The following NBPF11 variants were observed in gnomAD, a reference collection of about 807,000 sequenced individuals.
The protein encoded by NBPF11 is NBPF member 11, also known as NBPF family member NBPF11.
In NBPF11, 72 loss-of-function variants were observed where a neutral mutation model predicts 93.9. That is an observed-to-expected ratio of 0.77 (90% CI 0.63 to 0.93). The LOEUF is 0.93. NBPF11 is among the 40% of genes least tolerant of loss of function. The pLI, the probability that NBPF11 is intolerant of heterozygous loss-of-function variation, is 0.00. For missense variants in NBPF11, 705 were observed against 802.2 expected (o/e 0.88, Z 1.46); for synonymous variants, 224 against 304.9 (o/e 0.73, Z 2.76).
At chr1:148,138,398 C>A (rs1209996382) in intron 2 of NBPF11, among the ~76,000 whole-genome samples, 3 of 151,678 alleles carry the variant, frequency 2.0e-5, no homozygotes, top group Non-Finnish European at 4.4e-5. Flanking sequence ...GGGTGTCGGG[C>A]TGGGGGACAG....
At chr1:148,142,133 G>A (rs2404366) in intron 2 of NBPF11, among the ~76,000 whole-genome samples, 3 of 150,984 alleles carry the variant, frequency 2.0e-5, no homozygotes, top group Non-Finnish European at 4.4e-5. Context: ...GAGAGAGAAA[G>A]AGAGTGGGAG....
intron 4 of NBPF11, among the ~76,000 whole-genome samples, chr1:148,130,994 A>G (rs1459021889): frequency 1.9e-4 from 29 of 151,806 alleles, no homozygotes; most frequent in Admixed American, 1.9e-3. Context: ...TATACCATGT[A>G]TGTTTGTACT....
At chr1:148,138,898 C>T (rs1220957698) in intron 2 of NBPF11, among the ~76,000 whole-genome samples, 1 of 151,588 alleles carries the variant, frequency 6.6e-6, no homozygotes, top group Non-Finnish European at 1.5e-5. Context: ...AGAGACCAAC[C>T]TGGCCAACAT....
In NBPF11 at chr1:148,147,530, A is replaced by G. The variant is rs1204643861; in HGVS notation, c.-548-3844T>C. Among the ~76,000 whole-genome samples the G allele has an allele frequency of 5.3e-5, 8 of 152,106 alleles. No homozygotes were observed. In the East Asian group the frequency reaches 1.2e-3, roughly 22 times the overall value. ...CCGGTGTTTGAGCAGCGCCCGGGCC[A>G]GTGCTGCTTTGGACGAGGAGACCCG... is the stretch of plus-strand genomic sequence containing the variant. On this transcript the variant is annotated intron_variant, in intron 1 of 23. Coordinates refer to ENST00000682118, the MANE Select transcript of NBPF11 (RefSeq NM_001385469.3).
chr1:148,145,978 A>G (rs1553276741), intron 1 of NBPF11, among the ~76,000 whole-genome samples: 4 of 152,128 alleles, frequency 2.6e-5, no homozygotes, highest in Non-Finnish European at 4.4e-5. Flanking sequence ...TGCAATCCAT[A>G]TATATCCTAG....
intron 3 of NBPF11, among the ~76,000 whole-genome samples, chr1:148,136,114 C>T (rs1381606555): frequency 1.3e-5 from 2 of 151,922 alleles, no homozygotes; most frequent in East Asian, 3.9e-4. Flanking sequence ...CACCTTCATA[C>T]ATTAATGGTT....
chr1:148,127,888 C>T (rs1156383953), intron 4 of NBPF11, among the ~76,000 whole-genome samples: 3 of 151,838 alleles, frequency 2.0e-5, no homozygotes, highest in African/African-American at 7.3e-5. Flanking sequence ...GATCTCCTGA[C>T]CTCGTGATCT....
At chr1:148,136,696 G>C (rs1266353751) in intron 3 of NBPF11, among the ~76,000 whole-genome samples, 3 of 151,844 alleles carry the variant, frequency 2.0e-5, no homozygotes, top group East Asian at 1.9e-4. Flanking sequence ...TCCCCTCCAT[G>C]TTCCCTCATT....
chr1:148,146,242 C>A (rs1673006158), intron 1 of NBPF11, among the ~76,000 whole-genome samples: 2 of 151,650 alleles, frequency 1.3e-5, no homozygotes, highest in Non-Finnish European at 2.9e-5. Context: ...GGGCCCTGGC[C>A]TCCTAACGGG....
chr1:148,135,748 T>TCCC lies in NBPF11; in HGVS notation c.-113_-112insGGG, dbSNP rs1671171323. Reference sequence around the variant, plus strand: ...TAACTTTGGATTCCCAACCAGTAAATCTTAGCAAGATCTGAGTTTCTCCAG... The same window carrying TCCC: ...TAACTTTGGATTCCCAACCAGTAAATCCCCTTAGCAAGATCTGAGTTTCTCCAG... On this transcript the variant is annotated 5_prime_UTR_variant, in exon 4 of 24. Coordinates refer to ENST00000682118, the MANE Select transcript of NBPF11 (RefSeq NM_001385469.3). 1 of 714,816 alleles carries TCCC rather than the reference T, an allele frequency of 1.4e-6. No individual in the cohort carries two copies. The allele number at this position is 714,816 out of a possible 1,614,324, so 44.3% of individuals were successfully genotyped here. A position where few individuals can be genotyped will look rare whatever the true frequency, so the allele number is the denominator to read the frequency against.
chr1:148,113,403 T>A (rs1665774948), intron 15 of NBPF11, among the ~76,000 whole-genome samples: 1 of 151,234 alleles, frequency 6.6e-6, no homozygotes, highest in Admixed American at 6.6e-5. Flanking sequence ...AGGGATCAAT[T>A]CAACAAGAAG....
chr1:148,120,877 T>A (rs1199060994), intron 9 of NBPF11, among the ~76,000 whole-genome samples, 167 bp from the exon 10 acceptor site: 1 of 151,996 alleles, frequency 6.6e-6, no homozygotes, highest in East Asian at 1.9e-4. Context: ...TAAGTCAACT[T>A]GTCTTAGCTA....
intron 9 of NBPF11, 145 bp downstream of exon 9, chr1:148,121,910 G>C (rs1667960789): frequency 1.3e-6 from 1 of 747,314 alleles, no homozygotes; most frequent in Admixed American, 1.9e-5. Context: ...CCAAAGTGCT[G>C]TGATTATATG....
At chr1:148,105,779 G>C (rs879575001) in intron 21 of NBPF11, among the ~76,000 whole-genome samples, 1 of 139,552 alleles carries the variant, frequency 7.2e-6, no homozygotes, top group East Asian at 2.1e-4. Flanking sequence ...CACACACTGA[G>C]AGAGAGAGAG....
At chr1:148,138,575 G>A (rs1671711782) in intron 2 of NBPF11, among the ~76,000 whole-genome samples, 1 of 151,634 alleles carries the variant, frequency 6.6e-6, no homozygotes, top group East Asian at 1.9e-4. Context: ...CAAGCATGCT[G>A]CCTTCAAGCA....
chr1:148,109,036 C>G (rs1327470151), intron 17 of NBPF11, among the ~76,000 whole-genome samples: 1 of 151,412 alleles, frequency 6.6e-6, no homozygotes, highest in Non-Finnish European at 1.5e-5. Context: ...TCAAGTTTCC[C>G]TGCAGTCACC....
intron 1 of NBPF11, among the ~76,000 whole-genome samples, chr1:148,147,260 C>T (rs1365627731): frequency 2.0e-5 from 3 of 152,126 alleles, no homozygotes; most frequent in South Asian, 2.1e-4. Context: ...GGTCTGTGCA[C>T]GTGTGGCTGG....
In NBPF11 at chr1:148,102,691, ACCAT is replaced by A. The variant is rs1267770431; in HGVS notation, c.*1201_*1204del. 6 of 151,300 alleles carry A rather than the reference ACCAT, an allele frequency of 4.0e-5. No homozygotes were observed. The highest frequency in any genetic ancestry group is 1.5e-4 in the African/African-American group (6 of 40,834). The allele number at this position is 151,300 out of a possible 1,614,324, so 9.4% of individuals were successfully genotyped here. Reference sequence around the variant, plus strand: ...CCTCTATAAACAAGTCCATGTCACCACCATCCATGACAACAACAAAAAGATGAGG... The same window carrying A: ...CCTCTATAAACAAGTCCATGTCACCACCATGACAACAACAAAAAGATGAGG... On this transcript the variant is annotated 3_prime_UTR_variant, in exon 24 of 24. Coordinates refer to ENST00000682118, the MANE Select transcript of NBPF11 (RefSeq NM_001385469.3).
At chr1:148,110,252 T>C in intron 16 of NBPF11, 126 bp downstream of exon 16, 15 of 1,156,314 alleles carry the variant, frequency 1.3e-5, no homozygotes, top group Non-Finnish European at 1.8e-5. Context: ...AAATCTACAT[T>C]GATATATAGG....
Sources: gnomAD v4.1 joint callset for allele counts (sites outside exome capture counted in the v4.1 genomes callset) on GRCh38, gnomAD v4.1.1 for gene constraint, MANE v1.5 for transcripts, NCBI Gene and HGNC (gene_info 2026-07-23, HGNC 2026-07-21) for gene names.